Variants in ADCY2 observed in about 807,000 individuals in gnomAD.
ADCY2 encodes the protein adenylate cyclase type 2.
In ADCY2, 31 loss-of-function variants were observed where a neutral mutation model predicts 125.2. The observed-to-expected ratio is 0.25, with a 90% confidence interval of 0.19 to 0.33. ADCY2 has a LOEUF of 0.33. Ranked by LOEUF, ADCY2 falls within the 10% of genes least tolerant of loss-of-function variation. ADCY2 has a pLI of 1.00. For missense variants in ADCY2, 904 were observed against 1,418.2 expected (o/e 0.64, Z 5.82); for synonymous variants, 512 against 548.4 (o/e 0.93, Z 0.93).
chr5:7,546,982 G>A (rs185846721), intron 3 of ADCY2, among the ~76,000 whole-genome samples: 1 of 152,294 alleles, frequency 6.6e-6, no homozygotes, highest in East Asian at 1.9e-4. Context: ...TATTTGTTCA[G>A]TGTCTTTCTT....
At chr5:7,761,141 TTCTTTTC>T (rs1445014457) in intron 16 of ADCY2, among the ~76,000 whole-genome samples, 6 of 86,848 alleles carry the variant, frequency 6.9e-5, no homozygotes, top group African/African-American at 2.3e-4. Context: ...TTCTTTTCTT[TTCTTTTC>T]TTTTTTTTTT....
At chr5:7,418,473 A>G (rs1445551454) in intron 2 of ADCY2, among the ~76,000 whole-genome samples, 1 of 152,098 alleles carries the variant, frequency 6.6e-6, no homozygotes, top group Non-Finnish European at 1.5e-5. Context: ...TTCCTAAGCC[A>G]GGAGCATTGG....
chr5:7,689,161 G>T (rs1291124061), intron 4 of ADCY2, among the ~76,000 whole-genome samples: 1 of 152,144 alleles, frequency 6.6e-6, no homozygotes, highest in Non-Finnish European at 1.5e-5. Flanking sequence ...ATGCGACAGG[G>T]TCTCTGGTAT....
Position 7,620,551 on chromosome 5 carries a change from G to A in ADCY2, c.571-5616G>A, listed in dbSNP as rs544447206. ...AAAGAGCAGAAACCCTGAGGCCACC[G>A]CACATAGCAAATTTAATTCTTAGAG... On this transcript the variant is annotated intron_variant, in intron 3 of 24. Coordinates refer to ENST00000338316, the MANE Select transcript of ADCY2 (RefSeq NM_020546.3). 1.1e-4 allele frequency among the ~76,000 whole-genome samples: 16 copies of A among 152,280 alleles called. 1 individual carries two copies. In the East Asian group the frequency reaches 1.5e-3, roughly 15 times the overall value.
chr5:7,592,380 G>A (rs971386173), intron 3 of ADCY2, among the ~76,000 whole-genome samples: 4 of 152,092 alleles, frequency 2.6e-5, no homozygotes, highest in Non-Finnish European at 5.9e-5. Context: ...TGAACTAAAT[G>A]AGGAATAGAT....
At chr5:7,453,934 T>G (rs1741570152) in intron 2 of ADCY2, among the ~76,000 whole-genome samples, 1 of 152,162 alleles carries the variant, frequency 6.6e-6, no homozygotes, top group African/African-American at 2.4e-5. Context: ...GTGAGCCCAC[T>G]CACCCGACTC....
intron 3 of ADCY2, among the ~76,000 whole-genome samples, chr5:7,525,127 C>T (rs762843533): frequency 1.3e-5 from 2 of 152,110 alleles, no homozygotes; most frequent in Non-Finnish European, 2.9e-5. Flanking sequence ...CTCAGCCTCC[C>T]AAGTCGCTGG....
chr5:7,565,878 A>C (rs886551424), intron 3 of ADCY2, among the ~76,000 whole-genome samples: 1 of 152,170 alleles, frequency 6.6e-6, no homozygotes, highest in Non-Finnish European at 1.5e-5. Flanking sequence ...TTCCCAAATA[A>C]ATGTATTTGA....
In ADCY2 at chr5:7,632,744, A is replaced by G. The variant is rs950657892; in HGVS notation, c.720+6428A>G. Among the ~76,000 whole-genome samples the G allele has an allele frequency of 2.0e-5, 3 of 152,228 alleles. No homozygotes were observed. In the South Asian group the frequency reaches 6.2e-4, roughly 31 times the overall value. Reference sequence around the variant, plus strand: ...TCATGAAGCTCAGATGTCATGCCTCATTGAGAAGTTCCAGGACAAGATGTT... The same window carrying G: ...TCATGAAGCTCAGATGTCATGCCTCGTTGAGAAGTTCCAGGACAAGATGTT... On this transcript the variant is annotated intron_variant, in intron 4 of 24. Coordinates refer to ENST00000338316, the MANE Select transcript of ADCY2 (RefSeq NM_020546.3).
chr5:7,497,748 T>C (rs1743392426), intron 2 of ADCY2, among the ~76,000 whole-genome samples: 1 of 151,924 alleles, frequency 6.6e-6, no homozygotes, highest in African/African-American at 2.4e-5. Flanking sequence ...AAAAAAAAAG[T>C]TGCCTGAACT....
intron 2 of ADCY2, among the ~76,000 whole-genome samples, chr5:7,426,295 T>G (rs1342764382): frequency 6.6e-6 from 1 of 152,244 alleles, no homozygotes; most frequent in Non-Finnish European, 1.5e-5. Flanking sequence ...TCCATTTTGC[T>G]GCTATAACAA....
intron 2 of ADCY2, among the ~76,000 whole-genome samples, chr5:7,431,533 A>G (rs1364889915): frequency 6.6e-6 from 1 of 151,982 alleles, no homozygotes; most frequent in African/African-American, 2.4e-5. Context: ...AACTATTAAA[A>G]AAAAAAACCC....
At chr5:7,459,035 G>A (rs117901767) in intron 2 of ADCY2, among the ~76,000 whole-genome samples, 1 of 152,112 alleles carries the variant, frequency 6.6e-6, no homozygotes. Flanking sequence ...TTTCACTCAG[G>A]TCTGTGCGTT....
intron 2 of ADCY2, among the ~76,000 whole-genome samples, chr5:7,444,727 G>A (rs1334767859): frequency 1.3e-5 from 2 of 152,142 alleles, no homozygotes; most frequent in Non-Finnish European, 2.9e-5. Context: ...CCCCGGGCTT[G>A]GACTGCTTTT....
At chr5:7,418,819 C>A (rs1740070873) in intron 2 of ADCY2, among the ~76,000 whole-genome samples, 1 of 151,826 alleles carries the variant, frequency 6.6e-6, no homozygotes, top group African/African-American at 2.4e-5. Context: ...CCACACCTGG[C>A]TAATTTTTGT....
At position 7,589,482 on chromosome 5, in the gene ADCY2, G is replaced by GAAAGAAAGAAAGAAAGAA. The variant is rs1393196646; in HGVS notation, c.571-36683_571-36666dup. Among the ~76,000 whole-genome samples, 13 of 53,354 alleles carry GAAAGAAAGAAAGAAAGAA rather than the reference G, an allele frequency of 2.4e-4. 1 individual carries two copies. Among genetic ancestry groups the GAAAGAAAGAAAGAAAGAA allele is most frequent in the African/African-American group, 5.7e-4 (13 of 22,660 alleles). The allele number at this position is 53,354 out of a possible 152,430, so 35.0% of individuals were successfully genotyped here. ...AAAAAGAAAGAAAGAAAGAAAGAAA[G>GAAAGAAAGAAAGAAAGAA]AAAGAAAGAAAGAAAGAAAGAAAGA... is the stretch of plus-strand genomic sequence containing the variant. On this transcript the variant is annotated intron_variant, in intron 3 of 24. Coordinates refer to ENST00000338316, the MANE Select transcript of ADCY2 (RefSeq NM_020546.3).
At chr5:7,587,319 G>A (rs1736662113) in intron 3 of ADCY2, among the ~76,000 whole-genome samples, 1 of 152,200 alleles carries the variant, frequency 6.6e-6, no homozygotes, top group Admixed American at 6.5e-5. Context: ...TTGTTGTCCA[G>A]TGGCACTAAG....
chr5:7,674,269 G>C (rs1322572959), intron 4 of ADCY2, among the ~76,000 whole-genome samples: 1 of 152,150 alleles, frequency 6.6e-6, no homozygotes, highest in Non-Finnish European at 1.5e-5. Flanking sequence ...TTTTCCCGCT[G>C]TATGGGAGGC....
intron 4 of ADCY2, among the ~76,000 whole-genome samples, chr5:7,663,236 A>G (rs946283448): frequency 6.6e-6 from 1 of 152,250 alleles, no homozygotes; most frequent in African/African-American, 2.4e-5. Context: ...CACACCAAAA[A>G]AAAGGAAGAA....
Sources: allele counts gnomAD v4.1 joint callset (sites outside exome capture counted in the v4.1 genomes callset), GRCh38; gene constraint gnomAD v4.1.1; transcripts MANE v1.5; gene names NCBI Gene and HGNC (gene_info 2026-07-23, HGNC 2026-07-21).